ATG7: variants seen among roughly 807,000 people sequenced by gnomAD.
ATG7 encodes autophagy related 7, also known as ubiquitin-like modifier-activating enzyme ATG7.
In ATG7, 70 loss-of-function variants were observed where a neutral mutation model predicts 82.4. The ratio of observed to expected loss-of-function variants is 0.85; its 90% CI spans 0.70 to 1.04. The LOEUF is 1.04. Ranked by LOEUF, ATG7 falls within the 50% of genes least tolerant of loss-of-function variation. The pLI, the probability that ATG7 is intolerant of heterozygous loss-of-function variation, is 0.00. For synonymous variants in ATG7, 287 were observed against 313.0 expected (o/e 0.92, Z 0.88); for missense variants, 792 against 864.3 (o/e 0.92, Z 1.05).
chr3:11,507,955 A>AAAAAAAAAC (rs2091831273), intron 20 of ATG7, among the ~76,000 whole-genome samples: 1 of 151,894 alleles, frequency 6.6e-6, no homozygotes, highest in South Asian at 2.1e-4. Flanking sequence ...TGGTAATTAA[A>AAAAAAAAAC]AAAAAAACAA....
chr3:11,415,774 T>TA (rs1461337052), intron 19 of ATG7, among the ~76,000 whole-genome samples: 3 of 134,850 alleles, frequency 2.2e-5, no homozygotes, highest in African/African-American at 8.1e-5. Flanking sequence ...TTTTTTTTTT[T>TA]AAATAAGTAG....
intron 20 of ATG7, 27 bp from the exon 21 acceptor site, chr3:11,554,784 G>C: frequency 6.2e-7 from 1 of 1,612,476 alleles, no homozygotes; most frequent in Non-Finnish European, 8.5e-7. Context: ...GGACATCTCG[G>C]CTGAGCCTCT....
At chr3:11,567,724 T>C in the ATG7 span, among the ~76,000 whole-genome samples, 20,866 of 152,280 alleles carry the variant, frequency 0.14, 1,695 homozygotes, top group Middle Eastern at 0.19. Flanking sequence ...TCCTGAGATC[T>C]GCTGGCTTCT....
chr3:11,290,470 CCTGTTT>C, intron 3 of ATG7: 1 of 285,290 alleles, frequency 3.5e-6, no homozygotes, highest in Non-Finnish European at 6.9e-6. Context: ...TTCTCTTCCA[CCTGTTT>C]CTGCAGCCTC....
At chr3:11,344,422 C>T (rs559394520) in intron 13 of ATG7, among the ~76,000 whole-genome samples, 97 of 152,288 alleles carry the variant, frequency 6.4e-4, no homozygotes, top group South Asian at 4.8e-3. Context: ...TGTTTCTGCA[C>T]GTTTATATCA....
rs370131709 is a variant in ATG7, at chr3:11,527,041, A to ATGTGTGTGTG, written c.2080-27748_2080-27739dup. Reference sequence around the variant, plus strand: ...AGTATATATATGTGTGTGTGTATATATGTGTGTGTGTGTGTGTGTGTGTGT... The same window carrying ATGTGTGTGTG: ...AGTATATATATGTGTGTGTGTATATATGTGTGTGTGTGTGTGTGTGTGTGTGTGTGTGTGT... On this transcript the variant is annotated intron_variant, in intron 20 of 20. Coordinates refer to ENST00000693202, the MANE Select transcript of ATG7 (RefSeq NM_001349232.2). Among the ~76,000 whole-genome samples the ATGTGTGTGTG allele has an allele frequency of 2.2e-5, 3 of 138,328 alleles. No homozygotes were observed. The South Asian group carries it at 6.9e-4, about 32-fold the overall frequency. The allele number at this position is 138,328 out of a possible 152,430, so 90.7% of individuals were successfully genotyped here.
intron 20 of ATG7, among the ~76,000 whole-genome samples, chr3:11,516,591 T>TAATAGGTCCACACAAAA (rs2092289517): frequency 6.6e-6 from 1 of 152,212 alleles, no homozygotes; most frequent in Non-Finnish European, 1.5e-5. Context: ...AATTAGTTGA[T>TAATAGGTCCACACAAAA]AATAGGTCCA....
intron 20 of ATG7, among the ~76,000 whole-genome samples, chr3:11,456,980 T>C (rs554764779): frequency 6.6e-6 from 1 of 152,174 alleles, no homozygotes; most frequent in Non-Finnish European, 1.5e-5. Flanking sequence ...ATACACACTG[T>C]CCTCCTGCTG....
At chr3:11,545,706 G>C (rs1015834152) in intron 20 of ATG7, among the ~76,000 whole-genome samples, 2 of 152,090 alleles carry the variant, frequency 1.3e-5, no homozygotes, top group African/African-American at 4.8e-5. Context: ...CTGGGCGTGT[G>C]TCTCTCTGTT....
intron 20 of ATG7, among the ~76,000 whole-genome samples, chr3:11,474,850 C>T (rs1345997440): frequency 6.6e-6 from 1 of 151,854 alleles, no homozygotes; most frequent in Non-Finnish European, 1.5e-5. Flanking sequence ...TAAGCATGCT[C>T]AGTCTAAGGA....
At chr3:11,276,021 A>G (rs1455433055) in intron 1 of ATG7, among the ~76,000 whole-genome samples, 3 of 152,108 alleles carry the variant, frequency 2.0e-5, no homozygotes, top group Admixed American at 6.5e-5. Flanking sequence ...TCCATTATAG[A>G]CACATTGTGC....
intron 19 of ATG7, among the ~76,000 whole-genome samples, chr3:11,410,297 A>G (rs928332375): frequency 6.6e-6 from 1 of 152,024 alleles, no homozygotes; most frequent in Non-Finnish European, 1.5e-5. Flanking sequence ...GTACCTAGGT[A>G]TTTTTGGGTG....
chr3:11,333,423 A>G (rs1362570802), intron 11 of ATG7, among the ~76,000 whole-genome samples: 1 of 152,224 alleles, frequency 6.6e-6, no homozygotes, highest in Admixed American at 6.5e-5. Context: ...AGGATGAAGT[A>G]TTAATGCACT....
intron 20 of ATG7, among the ~76,000 whole-genome samples, chr3:11,486,701 A>T (rs1246497215): frequency 6.6e-6 from 1 of 151,912 alleles, no homozygotes; most frequent in African/African-American, 2.4e-5. Context: ...TATTATTTTG[A>T]GATATGTCCC....
chr3:11,476,213 T>G (rs1165718994), intron 20 of ATG7, among the ~76,000 whole-genome samples: 1 of 152,224 alleles, frequency 6.6e-6, no homozygotes, highest in Non-Finnish European at 1.5e-5. Flanking sequence ...CTTTTTCTTT[T>G]CCTTCTTCCT....
the ATG7 span, among the ~76,000 whole-genome samples, chr3:11,575,222 G>A: frequency 0.013 from 1,962 of 152,280 alleles, 46 homozygotes; most frequent in African/African-American, 0.044. Flanking sequence ...TCTGTGGTGC[G>A]AGAGGGAAGG....
intron 20 of ATG7, among the ~76,000 whole-genome samples, chr3:11,428,900 T>A (rs747136212): frequency 1.3e-5 from 2 of 152,236 alleles, no homozygotes; most frequent in Non-Finnish European, 2.9e-5. Flanking sequence ...TAACCTGGTT[T>A]ATCTTACATT....
Position 11,374,892 on chromosome 3 carries a change from C to CAAA in ATG7, c.1876-5053_1876-5051dup, listed in dbSNP as rs55855960. Among the ~76,000 whole-genome samples, 52 of 73,510 alleles carry CAAA rather than the reference C, an allele frequency of 7.1e-4. 2 individuals carry two copies. Among genetic ancestry groups the CAAA allele is most frequent in the African/African-American group, 3.1e-3 (51 of 16,426 alleles). 48.2% of individuals were successfully genotyped at this position (73,510 alleles called of 152,430 possible). On this transcript the variant is annotated intron_variant, in intron 18 of 20. Coordinates refer to ENST00000693202, the MANE Select transcript of ATG7 (RefSeq NM_001349232.2). Reference sequence around the variant, plus strand: ...ACACTCCAGCCTGGGCAACAGAGCTCAAAAAAAAAAAAAAAAAAAAAAAAA... The same window carrying CAAA: ...ACACTCCAGCCTGGGCAACAGAGCTCAAAAAAAAAAAAAAAAAAAAAAAAAAAA...
At position 11,431,812 on chromosome 3, in the gene ATG7, G is replaced by GTCCA. The variant is rs1488477908; in HGVS notation, c.2079+4886_2079+4887insTCCA. ...TAAATATAGCCCCTTTATGAAGGAG[G>GTCCA]AATGCAAAGCTGATCCAACTAGAGA... is the stretch of plus-strand genomic sequence containing the variant. On this transcript the variant is annotated intron_variant, in intron 20 of 20. Coordinates refer to ENST00000693202, the MANE Select transcript of ATG7 (RefSeq NM_001349232.2). Among the ~76,000 whole-genome samples the GTCCA allele has an allele frequency of 3.3e-5, 5 of 152,266 alleles. 1 individual carries two copies. Among genetic ancestry groups the GTCCA allele is most frequent in the African/African-American group, 1.2e-4 (5 of 41,566 alleles).
Sources: gnomAD v4.1 joint callset for allele counts (sites outside exome capture counted in the v4.1 genomes callset) on GRCh38, gnomAD v4.1.1 for gene constraint, MANE v1.5 for transcripts, NCBI Gene and HGNC (gene_info 2026-07-23, HGNC 2026-07-21) for gene names.